Variants in PCDHGA4 observed in about 807,000 individuals in gnomAD.
PCDHGA4 encodes the protein protocadherin gamma-A4.
In PCDHGA4, 38 loss-of-function variants were observed where a neutral mutation model predicts 54.6. That is an observed-to-expected ratio of 0.70 (90% CI 0.54 to 0.91). The LOEUF is 0.91. Ranked by LOEUF, PCDHGA4 falls within the 40% of genes least tolerant of loss-of-function variation. The pLI is 0.00. For missense variants in PCDHGA4, 1,298 were observed against 1,220.9 expected, an observed-to-expected ratio of 1.06 and a Z score of -0.94; for synonymous variants, 511 against 512.9, an observed-to-expected ratio of 1.00 and a Z score of 0.05.
intron 1 of PCDHGA4, chr5:141,389,664 G>A (rs1182835621): frequency 5.0e-6 from 8 of 1,612,210 alleles, no homozygotes; most frequent in Admixed American, 1.7e-5. Context: ...GGCGGTGGAC[G>A]CAGACTCAGG....
intron 1 of PCDHGA4, chr5:141,375,806 G>T (rs1223554303): frequency 6.8e-6 from 11 of 1,614,088 alleles, no homozygotes; most frequent in African/African-American, 1.3e-5. Context: ...TTCCACTGGC[G>T]TGGAGCTGGC....
chr5:141,466,496 GCA>G (rs2099123596), intron 1 of PCDHGA4, among the ~76,000 whole-genome samples: 1 of 152,120 alleles, frequency 6.6e-6, no homozygotes. Context: ...TTTAATTAGA[GCA>G]CAGACAAGAT....
chr5:141,380,966 T>C (rs890558911), intron 1 of PCDHGA4, among the ~76,000 whole-genome samples: 1 of 152,240 alleles, frequency 6.6e-6, no homozygotes, highest in East Asian at 1.9e-4. Flanking sequence ...AAAAGTACTA[T>C]TAAACAAATA....
intron 3 of PCDHGA4, 44 bp downstream of exon 3, chr5:141,505,525 G>C: frequency 1.2e-6 from 2 of 1,612,490 alleles, no homozygotes; most frequent in Non-Finnish European, 1.7e-6. Flanking sequence ...GAGACCTGGG[G>C]TTCTGGGGTG....
chr5:141,450,104 T>A (rs1041853602), intron 1 of PCDHGA4, among the ~76,000 whole-genome samples: 1 of 150,664 alleles, frequency 6.6e-6, no homozygotes, highest in African/African-American at 2.5e-5. Flanking sequence ...CCTCCCAGGT[T>A]CAAATGATTC....
intron 1 of PCDHGA4, chr5:141,422,667 G>A (rs1283968031): frequency 1.9e-6 from 3 of 1,607,536 alleles, no homozygotes; most frequent in South Asian, 1.1e-5. Context: ...CCCTCGACCC[G>A]GACAGCAAAC....
chr5:141,441,739 C>T, intron 1 of PCDHGA4: 1 of 365,272 alleles, frequency 2.7e-6, no homozygotes, highest in South Asian at 2.2e-5. Context: ...GACTAGCTCG[C>T]GCTCGGCGTC....
At chr5:141,376,259 C>T (rs2150078832) in intron 1 of PCDHGA4, 1 of 1,614,236 alleles carries the variant, frequency 6.2e-7, no homozygotes, top group African/African-American at 1.3e-5. Context: ...ACGCCTGCTG[C>T]AGGCTTCGGG....
Position 141,433,362 on chromosome 5 carries a change from T to G in PCDHGA4, c.2515-61445T>G, listed in dbSNP as rs1285511534. ...GTGCAAGCCACCTACTGTCTGCCTA[T>G]CTATCTATCTATCTATCTATCTATC... On this transcript the variant is annotated intron_variant, in intron 1 of 3. Transcript: ENST00000571252. 4 of 299,814 alleles carry G rather than the reference T, an allele frequency of 1.3e-5. No individual in the cohort carries two copies. In the East Asian group the frequency reaches 1.8e-4, roughly 14 times the overall value. 18.6% of individuals were successfully genotyped at this position (299,814 alleles called of 1,614,324 possible). A position where few individuals can be genotyped will look rare whatever the true frequency, so the allele number is the denominator to read the frequency against.
chr5:141,372,786 T>C (rs765183690), intron 1 of PCDHGA4: 6 of 1,605,480 alleles, frequency 3.7e-6, no homozygotes, highest in Non-Finnish European at 4.3e-6. Context: ...AGAAATGCCT[T>C]CTAATTCAGG....
chr5:141,413,832 C>T, intron 1 of PCDHGA4: 1 of 1,613,228 alleles, frequency 6.2e-7, no homozygotes. Context: ...TCACCGCCTC[C>T]GACGGGGGTG....
chr5:141,367,460 C>A (rs1765144116), intron 1 of PCDHGA4: 1 of 152,002 alleles, frequency 6.6e-6, no homozygotes, highest in African/African-American at 2.4e-5. Flanking sequence ...TGGGGTGAAC[C>A]CGGGAGGAGG....
At chr5:141,371,062 G>C in intron 1 of PCDHGA4, 1 of 1,613,974 alleles carries the variant, frequency 6.2e-7, no homozygotes, top group African/African-American at 1.3e-5. Context: ...CCCTCCAGAA[G>C]CTGTACCACC....
chr5:141,443,254 G>A (rs185181143), intron 1 of PCDHGA4, among the ~76,000 whole-genome samples: 30 of 152,006 alleles, frequency 2.0e-4, no homozygotes, highest in Admixed American at 1.6e-3. Context: ...GCCAAGGCGG[G>A]TGGATCACTT....
At chr5:141,453,811 A>G (rs541081089) in intron 1 of PCDHGA4, among the ~76,000 whole-genome samples, 1 of 152,350 alleles carries the variant, frequency 6.6e-6, no homozygotes, top group Admixed American at 6.5e-5. Context: ...AGTTCCATAA[A>G]GGACAAACTT....
chr5:141,431,364 G>A lies in PCDHGA4; in HGVS notation c.2515-63443G>A. 1 of 1,614,010 alleles carries A rather than the reference G, an allele frequency of 6.2e-7. No homozygotes were observed. The highest frequency in any genetic ancestry group is 8.5e-7 in the Non-Finnish European group (1 of 1,180,022). On this transcript the variant is annotated intron_variant, in intron 1 of 3. Coordinates refer to ENST00000571252, the MANE Select transcript of PCDHGA4 (RefSeq NM_018917.4). This position sits in a 1 kb window ranked among gnomAD's most constrained non-coding sequence, Gnocchi z 4.8. ...TTGGTGCTGAAACGCGCCCTGGACCGCGAAGAAAAGGCTGCTCACCACCTG... is the reference window on the plus strand; with the variant it reads ...TTGGTGCTGAAACGCGCCCTGGACCACGAAGAAAAGGCTGCTCACCACCTG...
chr5:141,389,871 G>C (rs199638280), intron 1 of PCDHGA4: 297 of 1,614,056 alleles, frequency 1.8e-4, no homozygotes, highest in Non-Finnish European at 2.3e-4. Context: ...CCTGGTCTTC[G>C]CCGACAGCTT....
chr5:141,391,797 A>G (rs1283933191), intron 1 of PCDHGA4: 1 of 152,180 alleles, frequency 6.6e-6, no homozygotes, highest in African/African-American at 2.4e-5. Context: ...AGTTTTTTAG[A>G]TCAAAGTGTT....
At chr5:141,423,783 A>G in intron 1 of PCDHGA4, 1 of 1,264,712 alleles carries the variant, frequency 7.9e-7, no homozygotes, top group South Asian at 1.9e-5. Context: ...TATTTAGTTC[A>G]TATATATTTA....
Sources: gnomAD v4.1 joint callset for allele counts (sites outside exome capture counted in the v4.1 genomes callset) on GRCh38, gnomAD v4.1.1 for gene constraint, Gnocchi (gnomAD v3.1) non-coding constraint, MANE v1.5 for transcripts, NCBI Gene and HGNC (gene_info 2026-07-23, HGNC 2026-07-21) for gene names.